USH2A: variants seen among roughly 807,000 people sequenced by gnomAD.
The protein encoded by USH2A is usherin.
USH2A carries 443 observed loss-of-function variants against 538.9 expected under a neutral mutation model. The ratio of observed to expected loss-of-function variants is 0.82; its 90% CI spans 0.76 to 0.89. USH2A has a LOEUF of 0.89. Among genes scored for constraint, USH2A ranks in the 40% least tolerant of loss-of-function variants. The pLI is 0.00. For missense variants in USH2A, 6,633 were observed against 6,324.8 expected, an observed-to-expected ratio of 1.05 and a Z score of -1.65; for synonymous variants, 2,413 against 2,273.5, an observed-to-expected ratio of 1.06 and a Z score of -1.75.
At chr1:215,933,471 A>G (rs1165928489) in intron 38 of USH2A, among the ~76,000 whole-genome samples, 1 of 152,056 alleles carries the variant, frequency 6.6e-6, no homozygotes, top group Admixed American at 6.6e-5. Context: ...TAAGTAATGT[A>G]GCTTCTGACA....
At chr1:216,165,736 C>T (rs568832757) in intron 21 of USH2A, among the ~76,000 whole-genome samples, 27 of 150,998 alleles carry the variant, frequency 1.8e-4, no homozygotes, top group African/African-American at 6.1e-4. Context: ...CCGTGCAAGA[C>T]ACAAATGTGT....
chr1:215,763,663 G>A (rs1481782991), intron 56 of USH2A, among the ~76,000 whole-genome samples: 1 of 152,114 alleles, frequency 6.6e-6, no homozygotes, highest in African/African-American at 2.4e-5. Context: ...GAAGGAAATG[G>A]GACTTTATGG....
intron 3 of USH2A, among the ~76,000 whole-genome samples, chr1:216,388,276 A>C (rs1470100066): frequency 6.6e-6 from 1 of 152,180 alleles, no homozygotes; most frequent in East Asian, 1.9e-4. Context: ...CTTTTCTAAA[A>C]ATTGGGATTG....
chr1:216,225,818 G>C (rs1363842191), intron 14 of USH2A, among the ~76,000 whole-genome samples: 1 of 152,120 alleles, frequency 6.6e-6, no homozygotes, highest in Non-Finnish European at 1.5e-5. Context: ...GTAATGGTTA[G>C]TTCTGTGCTG....
At chr1:216,146,827 C>A (rs1169061321) in intron 21 of USH2A, among the ~76,000 whole-genome samples, 1 of 152,088 alleles carries the variant, frequency 6.6e-6, no homozygotes, top group Non-Finnish European at 1.5e-5. Flanking sequence ...CTCCATTCCT[C>A]CTTCTTCTCC....
intron 56 of USH2A, among the ~76,000 whole-genome samples, chr1:215,765,694 T>C (rs1175901149): frequency 1.3e-5 from 2 of 152,200 alleles, no homozygotes; most frequent in Non-Finnish European, 2.9e-5. Context: ...GTGTGTATAC[T>C]TCCTGGATTT....
chr1:215,689,842 G>T (rs1658545926), intron 61 of USH2A, among the ~76,000 whole-genome samples: 1 of 152,204 alleles, frequency 6.6e-6, no homozygotes, highest in South Asian at 2.1e-4. Context: ...CAGCCCAACA[G>T]ACACCCTAAT....
intron 49 of USH2A, among the ~76,000 whole-genome samples, chr1:215,805,984 CAAA>C (rs57712355): frequency 0.047 from 4,375 of 93,460 alleles, 93 homozygotes; most frequent in South Asian, 0.13. Flanking sequence ...AAGACACAAT[CAAA>C]AAAAAAAAAA....
intron 62 of USH2A, among the ~76,000 whole-genome samples, chr1:215,679,227 T>G (rs1553252822): frequency 6.6e-6 from 1 of 152,214 alleles, no homozygotes; most frequent in Non-Finnish European, 1.5e-5. Context: ...CTGTCATCCC[T>G]CTCTTAGGGT....
At chr1:215,922,035 A>G (rs961539339) in intron 38 of USH2A, among the ~76,000 whole-genome samples, 1 of 152,092 alleles carries the variant, frequency 6.6e-6, no homozygotes, top group Non-Finnish European at 1.5e-5. Flanking sequence ...GAAAAATCTT[A>G]GCTATGAGGT....
At chr1:215,627,133 C>G (rs1469754637) in intron 71 of USH2A, among the ~76,000 whole-genome samples, 1 of 152,028 alleles carries the variant, frequency 6.6e-6, no homozygotes, top group Non-Finnish European at 1.5e-5. Flanking sequence ...TGTTAGGGAA[C>G]CTGGGTCCAG....
At chr1:216,334,660 CA>C (rs1241982952) in intron 4 of USH2A, among the ~76,000 whole-genome samples, 1 of 151,816 alleles carries the variant, frequency 6.6e-6, no homozygotes, top group Non-Finnish European at 1.5e-5. Context: ...AAACAATAAC[CA>C]AAAGAGAGCT....
At chr1:216,180,756 A>G (rs939588376) in intron 20 of USH2A, among the ~76,000 whole-genome samples, 1 of 152,174 alleles carries the variant, frequency 6.6e-6, no homozygotes. Context: ...TGGGGAGCAG[A>G]CTACATAAGA....
At chr1:215,784,921 G>T (rs768731533) in intron 52 of USH2A, among the ~76,000 whole-genome samples, 1 of 152,106 alleles carries the variant, frequency 6.6e-6, no homozygotes, top group African/African-American at 2.4e-5. Flanking sequence ...ATTACAAGGG[G>T]CAGATAAAAG....
At chr1:215,720,589 C>T (rs1659627717) in intron 61 of USH2A, among the ~76,000 whole-genome samples, 2 of 152,136 alleles carry the variant, frequency 1.3e-5, no homozygotes, top group African/African-American at 2.4e-5. Flanking sequence ...CAAGCTGTAC[C>T]TTCATTATTT....
chr1:216,330,768 G>A (rs1253726301), intron 4 of USH2A, among the ~76,000 whole-genome samples: 2 of 152,034 alleles, frequency 1.3e-5, no homozygotes, highest in Non-Finnish European at 2.9e-5. Context: ...AAAGTTCTGA[G>A]ACTAGAATAT....
chr1:216,414,037 A>T (rs1558077848), intron 3 of USH2A, among the ~76,000 whole-genome samples: 2 of 152,122 alleles, frequency 1.3e-5, no homozygotes, highest in African/African-American at 4.8e-5. Flanking sequence ...GCTAAAGTAA[A>T]TTTTTTTACA....
At chr1:215,974,803 G>T (rs915769579) in intron 35 of USH2A, among the ~76,000 whole-genome samples, 4 of 152,058 alleles carry the variant, frequency 2.6e-5, no homozygotes, top group Admixed American at 2.6e-4. Context: ...ATGAACACAC[G>T]AGTGCATGTT....
intron 57 of USH2A, among the ~76,000 whole-genome samples, 160 bp downstream of exon 57, chr1:215,759,500 A>C (rs527707574): frequency 1.3e-5 from 2 of 152,292 alleles, no homozygotes; most frequent in African/African-American, 4.8e-5. Flanking sequence ...TGAAGTCTAA[A>C]GACTGAATGA....
Sources: gnomAD v4.1 joint callset for allele counts (sites outside exome capture counted in the v4.1 genomes callset) on GRCh38, gnomAD v4.1.1 for gene constraint, MANE v1.5 for transcripts, NCBI Gene and HGNC (gene_info 2026-07-23, HGNC 2026-07-21) for gene names.